Variants in RBFOX3 observed in about 807,000 individuals in gnomAD.
RBFOX3 encodes the protein RNA binding protein fox-1 homolog 3.
In RBFOX3, 17 loss-of-function variants were observed where a neutral mutation model predicts 48.7. The ratio of observed to expected loss-of-function variants is 0.35; its 90% CI spans 0.24 to 0.52. The LOEUF is 0.52. Among genes scored for constraint, RBFOX3 ranks in the 20% least tolerant of loss-of-function variants. RBFOX3 has a pLI of 0.94. For synonymous variants in RBFOX3, 212 were observed against 209.5 expected (o/e 1.01, Z -0.10); for missense variants, 382 against 497.5 (o/e 0.77, Z 2.21).
At chr17:79,546,225 C>G (rs969958499) in intron 1 of RBFOX3, among the ~76,000 whole-genome samples, 1 of 152,122 alleles carries the variant, frequency 6.6e-6, no homozygotes, top group African/African-American at 2.4e-5. Context: ...GGACCTCAGC[C>G]GAGAGCCCAA....
chr17:79,568,908 T>C (rs2092564970), intron 1 of RBFOX3, among the ~76,000 whole-genome samples: 1 of 151,940 alleles, frequency 6.6e-6, no homozygotes, highest in Non-Finnish European at 1.5e-5. Context: ...CTCCCAGAGC[T>C]CCGGACCCAG....
chr17:79,169,624 TG>T (rs2048730679), intron 4 of RBFOX3, among the ~76,000 whole-genome samples: 1 of 152,142 alleles, frequency 6.6e-6, no homozygotes, highest in Non-Finnish European at 1.5e-5. Flanking sequence ...CCACCTGGTG[TG>T]GTCCCGTGGC....
intron 2 of RBFOX3, among the ~76,000 whole-genome samples, chr17:79,454,709 C>T (rs782204075): frequency 6.6e-6 from 1 of 152,186 alleles, no homozygotes; most frequent in Non-Finnish European, 1.5e-5. Context: ...AGTCACACAG[C>T]TCATTAGGCA....
At chr17:79,265,125 G>GC (rs1941004708) in intron 3 of RBFOX3, among the ~76,000 whole-genome samples, 1 of 152,192 alleles carries the variant, frequency 6.6e-6, no homozygotes, top group African/African-American at 2.4e-5. Context: ...AGGCAGTCCA[G>GC]CCCCCCGTTC....
intron 3 of RBFOX3, among the ~76,000 whole-genome samples, chr17:79,285,483 C>G (rs2071646795): frequency 6.6e-6 from 1 of 152,222 alleles, no homozygotes. Flanking sequence ...GCTCCACATA[C>G]TGTAGCATAC....
chr17:79,511,150 C>T (rs532427540), intron 1 of RBFOX3, among the ~76,000 whole-genome samples: 6 of 152,268 alleles, frequency 3.9e-5, no homozygotes, highest in Middle Eastern at 3.4e-3. Flanking sequence ...AGAGGGCTCA[C>T]GGGAGCCTCC....
Position 79,444,415 on chromosome 17 carries a change from C to T in RBFOX3, c.-175+38039G>A, listed in dbSNP as rs549708247. Among the ~76,000 whole-genome samples, 50 of 152,234 alleles carry T rather than the reference C, an allele frequency of 3.3e-4. 1 individual carries two copies. In the South Asian group the frequency reaches 8.1e-3, roughly 25 times the overall value. ...CCGAAGACCAGCCGGGGGAAGAAAC[C>T]TGAGCTCACAGAGCAGATGGGCTGA... On this transcript the variant is annotated intron_variant, in intron 2 of 14. Transcript: ENST00000693108.
rs539941970 is a variant in RBFOX3, at chr17:79,190,429, A to C, written c.-34+45337T>G. On this transcript the variant is annotated intron_variant, in intron 4 of 14. Transcript: ENST00000693108. ...TCTGTCTCACCAAAAAAAAAAAAAA[A>C]AACAAAAAAACAGAGTGAAGAAGAA... Among the ~76,000 whole-genome samples the C allele has an allele frequency of 4.9e-3, 293 of 59,564 alleles. 2 individuals carry two copies. Among genetic ancestry groups the C allele is most frequent in the African/African-American group, 0.012 (283 of 24,354 alleles). The allele number at this position is 59,564 out of a possible 152,430, so 39.1% of individuals were successfully genotyped here. A position where few individuals can be genotyped will look rare whatever the true frequency, so the allele number is the denominator to read the frequency against.
chr17:79,573,107 C>A (rs1392958257), intron 1 of RBFOX3, among the ~76,000 whole-genome samples: 1 of 152,228 alleles, frequency 6.6e-6, no homozygotes, highest in Non-Finnish European at 1.5e-5. Context: ...CCTGCTTATG[C>A]CTCAGGCATT....
At chr17:79,560,235 G>A (rs2092119711) in intron 1 of RBFOX3, among the ~76,000 whole-genome samples, 2 of 152,112 alleles carry the variant, frequency 1.3e-5, no homozygotes, top group Non-Finnish European at 2.9e-5. Flanking sequence ...TGGTCACCGA[G>A]CCAGAGCAAA....
chr17:79,548,525 A>G (rs910976898), intron 1 of RBFOX3, among the ~76,000 whole-genome samples: 17 of 152,230 alleles, frequency 1.1e-4, no homozygotes, highest in Non-Finnish European at 2.2e-4. Context: ...TGTGCCCAGG[A>G]TGGTGGTATG....
chr17:79,250,964 A>T (rs2063858817), intron 3 of RBFOX3, among the ~76,000 whole-genome samples: 1 of 152,000 alleles, frequency 6.6e-6, no homozygotes, highest in African/African-American at 2.4e-5. Context: ...ACGTGCCACC[A>T]AGCCCGGCTA....
At chr17:79,286,745 G>A (rs1024257166) in intron 3 of RBFOX3, among the ~76,000 whole-genome samples, 5 of 152,200 alleles carry the variant, frequency 3.3e-5, no homozygotes, top group Admixed American at 6.5e-5. Context: ...AGAGGATGGA[G>A]CCAGGCTGTG....
At chr17:79,567,180 C>CTTTTTTTTTTTT (rs1159762873) in intron 1 of RBFOX3, among the ~76,000 whole-genome samples, 15 of 92,070 alleles carry the variant, frequency 1.6e-4, no homozygotes, top group African/African-American at 2.8e-4. Context: ...TTCTTTCTTT[C>CTTTTTTTTTTTT]TTTTTTTTTT....
intron 2 of RBFOX3, among the ~76,000 whole-genome samples, chr17:79,333,832 C>G (rs34444410): frequency 1.3e-5 from 2 of 151,994 alleles, no homozygotes; most frequent in African/African-American, 4.8e-5. Context: ...CTTCACCCCA[C>G]GAGCACACAC....
At chr17:79,547,062 G>A (rs1258527170) in intron 1 of RBFOX3, among the ~76,000 whole-genome samples, 1 of 152,148 alleles carries the variant, frequency 6.6e-6, no homozygotes, top group Non-Finnish European at 1.5e-5. Flanking sequence ...TCCATCCAGG[G>A]CTGGACAAGG....
the RBFOX3 span, among the ~76,000 whole-genome samples, chr17:79,649,665 C>T: frequency 6.6e-6 from 1 of 152,130 alleles, no homozygotes; most frequent in Non-Finnish European, 1.5e-5. Context: ...GAGATAGCGC[C>T]ATTGCACTTC....
At chr17:79,326,042 G>A (rs936452051) in intron 2 of RBFOX3, among the ~76,000 whole-genome samples, 1 of 152,150 alleles carries the variant, frequency 6.6e-6, no homozygotes, top group African/African-American at 2.4e-5. Context: ...ATTCTAATCA[G>A]GCATCCTTTC....
At chr17:79,235,125 T>C (rs1459253488) in intron 4 of RBFOX3, 2 of 152,016 alleles carry the variant, frequency 1.3e-5, no homozygotes, top group Non-Finnish European at 2.9e-5. Flanking sequence ...CATACTTGTA[T>C]AATAATCTCC....
Sources: allele counts gnomAD v4.1 joint callset (sites outside exome capture counted in the v4.1 genomes callset), GRCh38; gene constraint gnomAD v4.1.1; transcripts MANE v1.5; gene names NCBI Gene and HGNC (gene_info 2026-07-23, HGNC 2026-07-21).